Variants in ACOT12 observed in about 807,000 individuals in gnomAD.
ACOT12 encodes the protein acetyl-coenzyme A thioesterase.
In ACOT12, 51 loss-of-function variants were observed where a neutral mutation model predicts 67.7. The observed-to-expected ratio is 0.75, with a 90% CI of 0.60 to 0.95. The LOEUF (loss-of-function observed/expected upper bound fraction) is 0.95. Ranked by LOEUF, ACOT12 falls within the 40% of genes least tolerant of loss-of-function variation. The pLI is 0.00. For synonymous variants in ACOT12, 251 were observed against 244.6 expected, an observed-to-expected ratio of 1.03 and a Z score of -0.24; for missense variants, 734 against 708.1, an observed-to-expected ratio of 1.04 and a Z score of -0.41.
intron 5 of ACOT12, among the ~76,000 whole-genome samples, chr5:81,357,732 G>A (rs564649252): frequency 2.4e-4 from 36 of 152,222 alleles, no homozygotes; most frequent in South Asian, 1.4e-3. Flanking sequence ...CTTGCTGGGC[G>A]CGGTGACTCA....
At chr5:81,385,403 G>T (rs1760700387) in intron 2 of ACOT12, among the ~76,000 whole-genome samples, 1 of 152,166 alleles carries the variant, frequency 6.6e-6, no homozygotes, top group African/African-American at 2.4e-5. Context: ...GGAGGAATAG[G>T]TTGCAGTGAG....
intron 4 of ACOT12, among the ~76,000 whole-genome samples, chr5:81,361,581 G>A (rs1386218999): frequency 6.6e-6 from 1 of 152,124 alleles, no homozygotes; most frequent in African/African-American, 2.4e-5. Context: ...TTGTGTGTTG[G>A]TTCTCCTGAA....
intron 4 of ACOT12, among the ~76,000 whole-genome samples, chr5:81,362,998 G>A (rs1472049998): frequency 6.6e-6 from 1 of 152,204 alleles, no homozygotes; most frequent in Non-Finnish European, 1.5e-5. Flanking sequence ...GTGGTCAGGA[G>A]CTTGAGACCA....
chr5:81,330,121 A>G lies in ACOT12; in HGVS notation c.*273T>C, dbSNP rs1400114597. The G allele has an allele frequency of 3.6e-6, 1 of 281,460 alleles. No homozygotes were observed. The highest frequency in any genetic ancestry group is 6.6e-6 in the Non-Finnish European group (1 of 150,422). 17.4% of individuals were successfully genotyped at this position (281,460 alleles called of 1,614,324 possible). A position where few individuals can be genotyped will look rare whatever the true frequency, so the allele number is the denominator to read the frequency against. ...AAATTCATGCCATTTTATAGAACAC[A>G]TAGTACTGCATACAGGCAATTTTCC... On this transcript the variant is annotated 3_prime_UTR_variant, in exon 15 of 15. Transcript: ENST00000307624.
chr5:81,343,744 A>G, intron 10 of ACOT12, 74 bp downstream of exon 10: 1 of 1,474,086 alleles, frequency 6.8e-7, no homozygotes, highest in Non-Finnish European at 9.4e-7. Context: ...AGCCTAGGCC[A>G]GTTAGGCAAG....
At chr5:81,325,725 C>T (rs1300807247), downstream of ACOT12, among the ~76,000 whole-genome samples, 1 of 152,156 alleles carries the variant, frequency 6.6e-6, no homozygotes, top group Non-Finnish European at 1.5e-5. Context: ...ATGAGAAAGG[C>T]ATTTTTAATA....
chr5:81,374,859 G>T (rs774434580), intron 2 of ACOT12, among the ~76,000 whole-genome samples: 22 of 152,148 alleles, frequency 1.4e-4, no homozygotes, highest in Non-Finnish European at 2.1e-4. Context: ...CTAAATCTAC[G>T]TTGGTTTGGT....
intron 11 of ACOT12, among the ~76,000 whole-genome samples, chr5:81,338,287 T>C (rs992198379): frequency 1.1e-4 from 17 of 152,228 alleles, no homozygotes; most frequent in African/African-American, 3.4e-4. Flanking sequence ...CAACCAAATC[T>C]CATGTCGAAT....
chr5:81,333,397 C>T (rs899336739), intron 12 of ACOT12, among the ~76,000 whole-genome samples: 15 of 152,062 alleles, frequency 9.9e-5, no homozygotes, highest in African/African-American at 3.1e-4. Context: ...ACATAAGTTG[C>T]GTTAGGCAAG....
At chr5:81,313,149 A>AT in the ACOT12 span, 1 of 152,174 alleles carries the variant, frequency 6.6e-6, no homozygotes, top group Non-Finnish European at 1.5e-5. Flanking sequence ...CAATAGAAAT[A>AT]TTTTTGTGTA....
chr5:81,323,744 G>T, the ACOT12 span, among the ~76,000 whole-genome samples: 1 of 151,632 alleles, frequency 6.6e-6, no homozygotes, highest in Non-Finnish European at 1.5e-5. Flanking sequence ...ACATGATCAG[G>T]TACTGGGTTG....
chr5:81,319,642 G>A, the ACOT12 span, among the ~76,000 whole-genome samples: 9 of 151,892 alleles, frequency 5.9e-5, no homozygotes, highest in African/African-American at 1.2e-4. Flanking sequence ...GCTTGAACCC[G>A]GGAGGTGGAG....
At chr5:81,363,157 C>T (rs916284370) in intron 4 of ACOT12, among the ~76,000 whole-genome samples, 1 of 151,938 alleles carries the variant, frequency 6.6e-6, no homozygotes, top group Non-Finnish European at 1.5e-5. Context: ...CTCCAGGCAC[C>T]CTGACACTGA....
chr5:81,366,375 A>G (rs1289088519), intron 3 of ACOT12, among the ~76,000 whole-genome samples: 3 of 152,256 alleles, frequency 2.0e-5, no homozygotes, highest in African/African-American at 4.8e-5. Flanking sequence ...AAAACAACAG[A>G]TAACAGAAAT....
chr5:81,334,686 C>T (rs539039773), intron 12 of ACOT12, among the ~76,000 whole-genome samples: 3 of 152,318 alleles, frequency 2.0e-5, no homozygotes, highest in South Asian at 2.1e-4. Flanking sequence ...GATTAGGAAA[C>T]GCTTAACACA....
the ACOT12 span, among the ~76,000 whole-genome samples, chr5:81,314,986 C>T: frequency 1.3e-5 from 2 of 152,128 alleles, no homozygotes; most frequent in Non-Finnish European, 1.5e-5. Context: ...AGCTGAATCC[C>T]CTAAGACTTA....
At chr5:81,393,875 G>A (rs1760929712) in intron 1 of ACOT12, 113 bp downstream of exon 1, 3 of 1,146,924 alleles carry the variant, frequency 2.6e-6, no homozygotes, top group Non-Finnish European at 3.3e-6. Context: ...GGCTGCGCAG[G>A]GTTCAGCTCT....
intron 4 of ACOT12, among the ~76,000 whole-genome samples, chr5:81,362,163 CT>C (rs529301882): frequency 0.16 from 20,630 of 131,402 alleles, 1,216 homozygotes; most frequent in Middle Eastern, 0.2. Context: ...CTATTATATT[CT>C]TTTTTTTTTT....
intron 5 of ACOT12, among the ~76,000 whole-genome samples, chr5:81,350,565 T>C (rs916790822): frequency 6.6e-6 from 1 of 152,176 alleles, no homozygotes; most frequent in Non-Finnish European, 1.5e-5. Flanking sequence ...TCTTTTTCTG[T>C]GGAAATTCTT....
Sources: gnomAD v4.1 joint callset for allele counts (sites outside exome capture counted in the v4.1 genomes callset) on GRCh38, gnomAD v4.1.1 for gene constraint, MANE v1.5 for transcripts, NCBI Gene and HGNC (gene_info 2026-07-23, HGNC 2026-07-21) for gene names.